Variants in RANBP2 observed in about 807,000 individuals in gnomAD.
The protein encoded by RANBP2 is RAN binding protein 2.
A neutral mutation model predicts 303.6 loss-of-function variants in RANBP2; 57 were observed. The observed-to-expected ratio is 0.19, with a 90% CI of 0.15 to 0.23. The LOEUF is 0.23. RANBP2 is among the 10% of genes least tolerant of loss of function. The pLI is 1.00. For missense variants in RANBP2, 3,138 were observed against 3,780.8 expected (o/e 0.83, Z 4.46); for synonymous variants, 1,167 against 1,301.5 (o/e 0.90, Z 2.23).
the RANBP2 span, among the ~76,000 whole-genome samples, chr2:109,277,677 G>C: frequency 1.2e-4 from 18 of 152,144 alleles, no homozygotes; most frequent in Non-Finnish European, 2.1e-4. Flanking sequence ...TCCCACTCAG[G>C]GTGCCTCCCA....
chr2:108,849,274 G>A, the RANBP2 span, among the ~76,000 whole-genome samples: 1 of 152,278 alleles, frequency 6.6e-6, no homozygotes, highest in Admixed American at 6.5e-5. Flanking sequence ...TCTATGAAGA[G>A]GGGAGACAAA....
chr2:109,794,797 C>T, the RANBP2 span: 25 of 197,032 alleles, frequency 1.3e-4, no homozygotes, highest in African/African-American at 1.6e-3. Context: ...GCCGGCGCTT[C>T]CTCTTAATCC....
At chr2:109,188,243 A>T in the RANBP2 span, among the ~76,000 whole-genome samples, 5 of 152,190 alleles carry the variant, frequency 3.3e-5, no homozygotes, top group African/African-American at 1.2e-4. Context: ...GGTGCCTCTG[A>T]AAACTCCACC....
the RANBP2 span, among the ~76,000 whole-genome samples, chr2:109,130,749 C>T: frequency 3.3e-5 from 5 of 152,160 alleles, no homozygotes; most frequent in Non-Finnish European, 5.9e-5. Context: ...GTTGCATTCC[C>T]ACGGGGGTCA....
the RANBP2 span, chr2:109,585,704 G>A: frequency 6.6e-7 from 1 of 1,520,536 alleles, no homozygotes; most frequent in Admixed American, 1.7e-5. Context: ...CTTAGAGGAA[G>A]AGTAGGTGGC....
the RANBP2 span, among the ~76,000 whole-genome samples, chr2:109,148,973 G>C: frequency 1.3e-5 from 2 of 152,186 alleles, no homozygotes; most frequent in Non-Finnish European, 2.9e-5. Context: ...CAAGCTTTGG[G>C]AATCTTTGTT....
Position 108,753,898 on chromosome 2 carries a change from A to T in RANBP2, c.2129A>T (p.Tyr710Phe). The T allele has an allele frequency of 6.2e-7, 1 of 1,612,062 alleles. No homozygotes were observed. Among genetic ancestry groups the T allele is most frequent in the Non-Finnish European group, 8.5e-7 (1 of 1,179,868 alleles). ...GAAGAACAAGAAGAATGCAAAAATT[A>T]TCTGAGAAAGACCAGGGACTACCTA... ...SPEEQEECKN[Y>F]LRKTRDYLIK... Residue 710 changes from tyrosine to phenylalanine, a missense_variant, in exon 15 of 29, where the codon TAT becomes TTT. By Grantham distance (22) the Tyr-to-Phe change is conservative (BLOSUM62 3). This residue lies in a region of RANBP2 where 194 missense variants were observed against 197.4 expected (regional missense o/e 0.98). Transcript: ENST00000283195.
chr2:109,306,910 A>C, the RANBP2 span, among the ~76,000 whole-genome samples: 1 of 152,226 alleles, frequency 6.6e-6, no homozygotes, highest in African/African-American at 2.4e-5. Flanking sequence ...GGGCCGCGGC[A>C]TGCATGCCCG....
chr2:108,730,893 A>G lies in RANBP2; in HGVS notation c.252+8A>G. On this transcript the variant is annotated splice_region_variant and intron_variant, in intron 3 of 28. Coordinates refer to ENST00000283195, the MANE Select transcript of RANBP2 (RefSeq NM_006267.5). ...GCCGTTGAATGTTACAGGGTAAGTT[A>G]CAGGATTCAAATATAGCCTTTGCAT... is the stretch of plus-strand genomic sequence containing the variant. 6.2e-7 allele frequency: 1 copy of G among 1,611,642 alleles called. No individual in the cohort carries two copies.
At position 108,768,361 on chromosome 2, in the gene RANBP2, A is replaced by G. The variant is rs1677258398; in HGVS notation, c.7822A>G (p.Asn2608Asp). 6.2e-7 allele frequency: 1 copy of G among 1,611,720 alleles called. No individual in the cohort carries two copies. The highest frequency in any genetic ancestry group is 1.3e-5 in the African/African-American group (1 of 74,872). The change falls in exon 20 of 29, where the codon AAC (asparagine) becomes GAC (aspartate). Residue 2608 changes from asparagine to aspartate, a missense_variant. Asn to Asp is a conservative substitution (Grantham distance 23). Around this residue, in one of 20 missense-constraint regions of RANBP2, gnomAD observed 497 missense variants for 465.8 expected, o/e 1.07. Transcript: ENST00000283195. ...ASFPTEESSI[N>D]YTFKTPEKAK... Reference sequence around the variant, plus strand: ...CTTTCCAACGGAAGAATCTTCAATCAACTACACATTTAAAACACCAGAAAA... The same window carrying G: ...CTTTCCAACGGAAGAATCTTCAATCGACTACACATTTAAAACACCAGAAAA...
chr2:109,421,195 T>G, the RANBP2 span, among the ~76,000 whole-genome samples: 1 of 152,188 alleles, frequency 6.6e-6, no homozygotes, highest in Non-Finnish European at 1.5e-5. Context: ...GCACCCACAG[T>G]GGGATAGCCC....
At chr2:109,017,226 T>A in the RANBP2 span, among the ~76,000 whole-genome samples, 1 of 152,182 alleles carries the variant, frequency 6.6e-6, no homozygotes, top group Admixed American at 6.5e-5. Context: ...CTGGTCAGAG[T>A]TCAGATCCTG....
chr2:109,715,531 G>A, the RANBP2 span, among the ~76,000 whole-genome samples: 1 of 152,134 alleles, frequency 6.6e-6, no homozygotes, highest in Non-Finnish European at 1.5e-5. Flanking sequence ...AAGGTGTGAG[G>A]AAAGGGCATG....
the RANBP2 span, among the ~76,000 whole-genome samples, chr2:109,340,311 G>A: frequency 2.0e-5 from 3 of 152,182 alleles, no homozygotes; most frequent in Non-Finnish European, 4.4e-5. Flanking sequence ...TGTGGGTCTC[G>A]CAGGTAGAGG....
the RANBP2 span, among the ~76,000 whole-genome samples, chr2:109,190,088 G>A: frequency 3.3e-5 from 5 of 152,186 alleles, no homozygotes; most frequent in Non-Finnish European, 5.9e-5. Flanking sequence ...AACTTTTCCC[G>A]TGATCATATG....
At chr2:108,826,059 G>C in the RANBP2 span, among the ~76,000 whole-genome samples, 1 of 152,024 alleles carries the variant, frequency 6.6e-6, no homozygotes, top group Non-Finnish European at 1.5e-5. Flanking sequence ...TCTTTTATTG[G>C]TAAGTGTCTA....
chr2:109,652,488 G>A, the RANBP2 span, among the ~76,000 whole-genome samples: 4 of 152,194 alleles, frequency 2.6e-5, no homozygotes, highest in Non-Finnish European at 5.9e-5. Flanking sequence ...GCCTCCCAAA[G>A]TGCTAGGATT....
chr2:109,107,821 C>T, the RANBP2 span, among the ~76,000 whole-genome samples: 2 of 152,198 alleles, frequency 1.3e-5, no homozygotes, highest in African/African-American at 4.8e-5. Flanking sequence ...CTGCAACCTC[C>T]ATCTCCCGGG....
chr2:109,342,748 C>A, the RANBP2 span, among the ~76,000 whole-genome samples: 1 of 152,186 alleles, frequency 6.6e-6, no homozygotes, highest in Admixed American at 6.5e-5. Flanking sequence ...CCAGTAGAAG[C>A]CGGAGATGGC....
Sources: allele counts gnomAD v4.1 joint callset (sites outside exome capture counted in the v4.1 genomes callset), GRCh38; gene constraint gnomAD v4.1.1; regional missense constraint gnomAD v4.1.1; transcripts MANE v1.5; gene names NCBI Gene and HGNC (gene_info 2026-07-23, HGNC 2026-07-21).